Variants in EPM2A observed in about 807,000 individuals in gnomAD.
The protein encoded by EPM2A is laforin.
Under a neutral mutation model 26.5 loss-of-function variants are expected in EPM2A, and 21 were observed. The observed-to-expected ratio is 0.79, with a 90% CI of 0.56 to 1.14. EPM2A has a LOEUF of 1.14. EPM2A is among the 50% of genes most tolerant of loss of function. EPM2A has a pLI of 0.00. For missense variants in EPM2A, 458 were observed against 440.8 expected, an observed-to-expected ratio of 1.04 and a Z score of -0.35; for synonymous variants, 217 against 177.6, an observed-to-expected ratio of 1.22 and a Z score of -1.76.
chr6:145,434,911 G>C (rs997211885), intron 4 of EPM2A, among the ~76,000 whole-genome samples: 3 of 151,944 alleles, frequency 2.0e-5, no homozygotes, highest in African/African-American at 7.2e-5. Context: ...ATCCCTCATG[G>C]CTTGGTGCTG....
At position 145,597,293 on chromosome 6, in the gene EPM2A, ATT is replaced by A. The variant is rs1781359017; in HGVS notation, c.340+37950_340+37951del. Among the ~76,000 whole-genome samples, 4 of 152,184 alleles carry A rather than the reference ATT, an allele frequency of 2.6e-5. No individual in the cohort carries two copies. The South Asian group carries it at 8.3e-4, about 31-fold the overall frequency. On this transcript the variant is annotated intron_variant, in intron 2 of 3. Transcript: ENST00000450221. ...CCAAGAGATGCTGCAAAGGAGATAA[ATT>A]CTTAGAGACTTTATGATTCTGAAAA... is the stretch of plus-strand genomic sequence containing the variant.
intron 4 of EPM2A, among the ~76,000 whole-genome samples, chr6:145,445,134 G>A (rs1372057204): frequency 6.6e-6 from 1 of 152,056 alleles, no homozygotes; most frequent in African/African-American, 2.4e-5. Context: ...TGTTTCTGTA[G>A]TGTGTCAAGA....
intron 4 of EPM2A, among the ~76,000 whole-genome samples, chr6:145,397,224 C>T (rs1009730204): frequency 3.3e-5 from 5 of 151,980 alleles, no homozygotes; most frequent in South Asian, 4.2e-4. Flanking sequence ...TGAGGATAGG[C>T]GTTCACTACC....
At chr6:145,588,319 T>C (rs962885760) in intron 2 of EPM2A, among the ~76,000 whole-genome samples, 12 of 152,196 alleles carry the variant, frequency 7.9e-5, no homozygotes, top group Admixed American at 2.0e-4. Flanking sequence ...GCCTGTTTAT[T>C]CTTCATTTAA....
chr6:145,671,316 G>A, intron 2 of EPM2A: 1 of 1,026,430 alleles, frequency 9.7e-7, no homozygotes, highest in Non-Finnish European at 1.2e-6. Flanking sequence ...GGACTCTTGA[G>A]TTGAATGTAC....
chr6:145,550,695 A>G (rs1266994085), intron 2 of EPM2A, among the ~76,000 whole-genome samples: 1 of 152,092 alleles, frequency 6.6e-6, no homozygotes, highest in African/African-American at 2.4e-5. Flanking sequence ...CCTACTCAGT[A>G]TGAAGACAAC....
At position 145,625,866 on chromosome 6, in the gene EPM2A, T is replaced by C; in HGVS notation, c.*1550A>G. The C allele has an allele frequency of 1.3e-6, 2 of 1,502,082 alleles. No individual in the cohort carries two copies. Among genetic ancestry groups the C allele is most frequent in the Non-Finnish European group, 1.8e-6 (2 of 1,122,576 alleles). 93.0% of individuals were successfully genotyped at this position (1,502,082 alleles called of 1,614,324 possible). ...GTCTCTTGCATCTATCAATATGTGT[T>C]TGTGGAAGAAAGGAAGGTGCAGAAA... is the stretch of plus-strand genomic sequence containing the variant. On this transcript the variant is annotated 3_prime_UTR_variant, in exon 4 of 4. Transcript: ENST00000367519.
At chr6:145,716,534 T>TC (rs928554959) in intron 1 of EPM2A, among the ~76,000 whole-genome samples, 2 of 152,100 alleles carry the variant, frequency 1.3e-5, no homozygotes, top group Non-Finnish European at 2.9e-5. Context: ...AGAGAGGTGA[T>TC]CCCTGCCCAC....
chr6:145,727,461 A>G (rs990320795), intron 1 of EPM2A, among the ~76,000 whole-genome samples: 5 of 152,134 alleles, frequency 3.3e-5, no homozygotes, highest in African/African-American at 1.2e-4. Context: ...TTGTGAGGAC[A>G]AAGGGTAATT....
intron 2 of EPM2A, among the ~76,000 whole-genome samples, chr6:145,512,669 C>A (rs1348192055): frequency 7.1e-6 from 1 of 141,074 alleles, no homozygotes; most frequent in Admixed American, 7.4e-5. Flanking sequence ...CGAGATCGCA[C>A]CACTGTACTC....
chr6:145,663,090 T>TA (rs1271679351), intron 2 of EPM2A, among the ~76,000 whole-genome samples: 4 of 151,908 alleles, frequency 2.6e-5, no homozygotes, highest in African/African-American at 7.2e-5. Context: ...GGAATAGCAG[T>TA]AAAAAAAATG....
At chr6:145,530,547 A>C (rs1780339657) in intron 2 of EPM2A, among the ~76,000 whole-genome samples, 1 of 152,148 alleles carries the variant, frequency 6.6e-6, no homozygotes, top group Non-Finnish European at 1.5e-5. Flanking sequence ...TACTACCCAC[A>C]TTATTGTGCC....
intron 2 of EPM2A, among the ~76,000 whole-genome samples, chr6:145,596,493 C>T (rs1781344603): frequency 6.6e-6 from 1 of 152,118 alleles, no homozygotes; most frequent in Non-Finnish European, 1.5e-5. Flanking sequence ...AGTTTTATAA[C>T]ATATATGTAA....
In EPM2A at chr6:145,686,208, A is replaced by G. The variant is rs563919994; in HGVS notation, c.390T>C (p.Ile130=). 1 of 1,613,818 alleles carries G rather than the reference A, an allele frequency of 6.2e-7. No homozygotes were observed. Among genetic ancestry groups the G allele is most frequent in the South Asian group, 1.1e-5 (1 of 91,084 alleles). Reference sequence around the variant, plus strand: ...TTTCATTGGTGTGCCCAGTGGCCTCAATCCAGTGTCCTATTGGGAGACAAT... The same window carrying G: ...TTTCATTGGTGTGCCCAGTGGCCTCGATCCAGTGTCCTATTGGGAGACAAT... ...GVYCLPIGHW[I]EATGHTNEMK... The change falls in exon 2 of 4, where the codon ATT becomes ATC. Residue 130 remains isoleucine, a synonymous_variant. Coordinates refer to ENST00000367519, the MANE Select transcript of EPM2A (RefSeq NM_005670.4).
chr6:145,469,792 G>A (rs1358012749), intron 4 of EPM2A, among the ~76,000 whole-genome samples: 1 of 152,018 alleles, frequency 6.6e-6, no homozygotes, highest in Non-Finnish European at 1.5e-5. Context: ...ACAGATCAAT[G>A]GATAAAGAAA....
At chr6:145,417,449 G>A (rs1173513931) in intron 4 of EPM2A, among the ~76,000 whole-genome samples, 7 of 152,096 alleles carry the variant, frequency 4.6e-5, no homozygotes, top group Admixed American at 1.3e-4. Context: ...GATTGAGTTC[G>A]TCAGGCTCAG....
At chr6:145,608,469 T>G (rs1223187700) in intron 2 of EPM2A, among the ~76,000 whole-genome samples, 1 of 152,228 alleles carries the variant, frequency 6.6e-6, no homozygotes, top group African/African-American at 2.4e-5. Flanking sequence ...CTTCATCATA[T>G]GAAAAATTTC....
intron 4 of EPM2A, among the ~76,000 whole-genome samples, chr6:145,388,529 T>C (rs1260487540): frequency 6.6e-6 from 1 of 152,188 alleles, no homozygotes; most frequent in Non-Finnish European, 1.5e-5. Context: ...AAAATTATTA[T>C]TATACTTTAA....
chr6:145,735,682 A>AGGCCGGCGGGAAGG, upstream of EPM2A: 1 of 1,067,752 alleles, frequency 9.4e-7, no homozygotes, highest in East Asian at 6.0e-5. Context: ...GACTTCGTCC[A>AGGCCGGCGGGAAGG]GGCCGGCGGG....
Sources: gnomAD v4.1 joint callset for allele counts (sites outside exome capture counted in the v4.1 genomes callset) on GRCh38, gnomAD v4.1.1 for gene constraint, MANE v1.5 for transcripts, NCBI Gene and HGNC (gene_info 2026-07-23, HGNC 2026-07-21) for gene names.